SEC16B: variants seen among roughly 807,000 people sequenced by gnomAD.
SEC16B encodes the protein SEC16 homolog B, endoplasmic reticulum export factor, also known as protein transport protein Sec16B.
A neutral mutation model predicts 141.8 loss-of-function variants in SEC16B; 115 were observed. That is an observed-to-expected ratio of 0.81 (90% CI 0.70 to 0.95). The LOEUF (loss-of-function observed/expected upper bound fraction) is 0.95. SEC16B is among the 40% of genes least tolerant of loss of function. SEC16B has a pLI of 0.00. For missense variants in SEC16B, 1,291 were observed against 1,312.3 expected (o/e 0.98, Z 0.25); for synonymous variants, 493 against 492.5 (o/e 1.00, Z -0.01).
intron 1 of SEC16B, among the ~76,000 whole-genome samples, chr1:177,978,348 C>T (rs1354804338): frequency 6.6e-6 from 1 of 152,134 alleles, no homozygotes; most frequent in Non-Finnish European, 1.5e-5. Context: ...AAGCACTCAG[C>T]ACACTCCCTG....
At chr1:177,958,815 G>A in intron 9 of SEC16B, 25 bp downstream of exon 9, 1 of 1,598,272 alleles carries the variant, frequency 6.3e-7, no homozygotes, top group African/African-American at 1.3e-5. Context: ...GCCTGCACCT[G>A]CTCTCCCACC....
intron 18 of SEC16B, 60 bp downstream of exon 18, chr1:177,939,642 C>T: frequency 7.4e-7 from 1 of 1,354,310 alleles, no homozygotes. Flanking sequence ...ATTACTTTGT[C>T]TCGTAGAATC....
At chr1:177,961,076 TAGA>T in intron 6 of SEC16B, 137 bp from the exon 7 acceptor site, 2 of 901,812 alleles carry the variant, frequency 2.2e-6, no homozygotes, top group Non-Finnish European at 3.4e-6. Flanking sequence ...GTTGTGTAAT[TAGA>T]AGAAGCCCAT....
In SEC16B at chr1:177,943,467, T is replaced by C. The variant is rs1193529918; in HGVS notation, c.1881+1094A>G. 3.9e-5 allele frequency among the ~76,000 whole-genome samples: 6 copies of C among 152,218 alleles called. No individual in the cohort carries two copies. In the East Asian group the frequency reaches 1.2e-3, roughly 29 times the overall value. On this transcript the variant is annotated intron_variant, in intron 15 of 25. Transcript: ENST00000308284. ...AGAAGCTAATTGGGCCATTTCTCTA[T>C]GACACAGGATTTCACTTTCAAGGCT...
At chr1:177,961,939 T>C (rs973980542) in intron 5 of SEC16B, among the ~76,000 whole-genome samples, 1 of 152,122 alleles carries the variant, frequency 6.6e-6, no homozygotes, top group African/African-American at 2.4e-5. Context: ...GGCCCTTGAA[T>C]TGAAATCTCA....
chr1:177,936,447 A>G, intron 19 of SEC16B, 82 bp from the exon 20 acceptor site: 1 of 1,224,606 alleles, frequency 8.2e-7, no homozygotes, highest in Non-Finnish European at 1.2e-6. Flanking sequence ...CTGGGACACA[A>G]TCAGCTTTCT....
rs543330759 is a variant in SEC16B at position 177,933,614 on chromosome 1, C to T, written c.2594G>A (p.Arg865Gln). ...KPQTPLAARP[R>Q]SISESSASSA... Reference sequence around the variant, plus strand: ...ACTGGCGGAACTCTCAGAAATACTTCGTGGTCTAGCAGCCAATGGTGTCTG... The same window carrying T: ...ACTGGCGGAACTCTCAGAAATACTTTGTGGTCTAGCAGCCAATGGTGTCTG... Residue 865 changes from arginine to glutamine, a missense_variant, in exon 21 of 26, where the codon CGA (arginine) becomes CAA (glutamine). By Grantham distance (43) the Arg-to-Gln change is conservative. Transcript: ENST00000308284. The T allele has an allele frequency of 1.2e-4, 197 of 1,613,892 alleles. 2 individuals are homozygous for T. The South Asian group carries it at 1.7e-3, about 14-fold the overall frequency.
chr1:177,962,548 G>C (rs956215981), intron 5 of SEC16B, among the ~76,000 whole-genome samples: 1 of 149,738 alleles, frequency 6.7e-6, no homozygotes, highest in African/African-American at 2.5e-5. Context: ...ACCCCAAATT[G>C]CAACATAGCA....
chr1:177,970,897 A>G (rs1294502072), upstream of SEC16B, among the ~76,000 whole-genome samples: 2 of 152,152 alleles, frequency 1.3e-5, no homozygotes, highest in African/African-American at 4.8e-5. Flanking sequence ...TTTGACACAC[A>G]TAAATATAAA....
intron 20 of SEC16B, among the ~76,000 whole-genome samples, chr1:177,933,994 C>A (rs1452788834): frequency 4.7e-5 from 7 of 150,232 alleles, no homozygotes; most frequent in South Asian, 2.1e-4. Context: ...CAAGCTCCCC[C>A]CAAAAAAAAA....
intron 4 of SEC16B, among the ~76,000 whole-genome samples, chr1:177,964,624 T>C (rs1220445564): frequency 6.6e-6 from 1 of 152,126 alleles, no homozygotes; most frequent in African/African-American, 2.4e-5. Flanking sequence ...AAAACTCTCT[T>C]CCCTGTCTTG....
upstream of SEC16B, among the ~76,000 whole-genome samples, chr1:177,973,997 AAT>A (rs768534234): frequency 4.6e-5 from 7 of 151,102 alleles, no homozygotes; most frequent in Admixed American, 2.0e-4. Flanking sequence ...GGACATATAG[AAT>A]ATATATATAT....
chr1:177,960,474 G>A (rs2101980567), intron 7 of SEC16B, 71 bp from the exon 8 acceptor site: 1 of 1,086,220 alleles, frequency 9.2e-7, no homozygotes, highest in Non-Finnish European at 1.4e-6. Flanking sequence ...CAAGTCTAGT[G>A]TCAGACCCCA....
chr1:177,958,988 A>C lies in SEC16B; in HGVS notation c.999-13T>G, dbSNP rs1360716952. ...ATGTACATCTTCCCTACATGGAAAA[A>C]ATTTAGGGAGCAAAGAGTGAGCAGG... is the stretch of plus-strand genomic sequence containing the variant. On this transcript the variant is annotated splice_polypyrimidine_tract_variant and intron_variant, in intron 8 of 25. Transcript: ENST00000308284. 9.9e-6 allele frequency: 16 copies of C among 1,610,126 alleles called. No homozygotes were observed. Among genetic ancestry groups the C allele is most frequent in the Non-Finnish European group, 1.4e-5 (16 of 1,178,434 alleles).
chr1:177,940,701 AG>A lies in SEC16B; in HGVS notation c.2035del (p.Leu679Ter), dbSNP rs750324274. On this transcript the variant is annotated frameshift_variant, in exon 17 of 26. Transcript: ENST00000308284. LOFTEE classifies it high-confidence loss of function. Reference sequence around the variant, plus strand: ...TAAAACCAGAGGATCTGACAGCTTCAGTTTCTCTGCTAGCTGTGCCAGGTTT... The same window carrying A: ...TAAAACCAGAGGATCTGACAGCTTCATTTCTCTGCTAGCTGTGCCAGGTTT... ...LVELIKLAEK[L>X]KLSDPLVLER... is the part of the protein sequence containing the mutation. The A allele has an allele frequency of 3.1e-6, 5 of 1,613,462 alleles. No individual in the cohort carries two copies. Among genetic ancestry groups the A allele is most frequent in the Non-Finnish European group, 4.2e-6 (5 of 1,179,590 alleles).
At chr1:177,979,420 G>A (rs1654311138) in intron 1 of SEC16B, among the ~76,000 whole-genome samples, 1 of 152,178 alleles carries the variant, frequency 6.6e-6, no homozygotes, top group Non-Finnish European at 1.5e-5. Flanking sequence ...GTACAGTGTG[G>A]ATGCATACAT....
chr1:177,962,604 G>A (rs1261009502), intron 5 of SEC16B, among the ~76,000 whole-genome samples: 1 of 151,778 alleles, frequency 6.6e-6, no homozygotes, highest in Non-Finnish European at 1.5e-5. Flanking sequence ...AATTTAGCTG[G>A]GCATGGTGGT....
chr1:177,952,133 C>A lies in SEC16B; in HGVS notation c.1464-138G>T. 6 of 708,194 alleles carry A rather than the reference C, an allele frequency of 8.5e-6. No individual in the cohort carries two copies. The South Asian group carries it at 1.0e-4, about 12-fold the overall frequency. 43.9% of individuals were successfully genotyped at this position (708,194 alleles called of 1,614,324 possible). A position where few individuals can be genotyped will look rare whatever the true frequency, so the allele number is the denominator to read the frequency against. On this transcript the variant is annotated intron_variant, in intron 11 of 25. Transcript: ENST00000308284. The stretch of plus-strand genomic sequence containing the variant: ...AACATGAGCATCGCTTTGCTTTCTG[C>A]TGTGCCTCTGTCACAGCCTCCTCTG...
chr1:177,946,065 C>G (rs1236456321), intron 14 of SEC16B: 1 of 536,996 alleles, frequency 1.9e-6, no homozygotes, highest in East Asian at 3.1e-5. Context: ...CCAGGGCTGC[C>G]TAACACGGAC....
Sources: gnomAD v4.1 joint callset for allele counts (sites outside exome capture counted in the v4.1 genomes callset) on GRCh38, gnomAD v4.1.1 for gene constraint, MANE v1.5 for transcripts, NCBI Gene and HGNC (gene_info 2026-07-23, HGNC 2026-07-21) for gene names.